Variants in CAMSAP1 observed in about 807,000 individuals in gnomAD.
CAMSAP1 encodes calmodulin regulated spectrin associated protein 1.
A neutral mutation model predicts 143.5 loss-of-function variants in CAMSAP1; 58 were observed. The ratio of observed to expected loss-of-function variants is 0.40; its 90% confidence interval spans 0.33 to 0.50. The LOEUF is 0.50. CAMSAP1 is among the 20% of genes least tolerant of loss of function. The probability of loss-of-function intolerance (pLI) is 0.45; values close to 1 mark genes in which losing one functional copy is unlikely to be tolerated. For missense variants in CAMSAP1, 1,969 were observed against 2,115.7 expected (o/e 0.93, Z 1.36); for synonymous variants, 945 against 859.3 (o/e 1.10, Z -1.74).
chr9:135,823,248 C>T lies in CAMSAP1; in HGVS notation c.1413G>A (p.Gln471=). Residue 471 remains glutamine (Q), a synonymous_variant, in exon 11 of 17, where the codon CAG becomes CAA. Coordinates refer to ENST00000389532, the MANE Select transcript of CAMSAP1 (RefSeq NM_015447.4). ...CGTGATGTAGAGCAAAAGGTGTTGGCTGGGACGCAGGCCTGAAACACAGGG... is the reference window on the plus strand; with the variant it reads ...CGTGATGTAGAGCAAAAGGTGTTGGTTGGGACGCAGGCCTGAAACACAGGG... ...WPEKKTRPAS[Q]PTPFALHHAA... is the part of the protein sequence containing the mutation. 6.5e-7 allele frequency: 1 copy of T among 1,550,076 alleles called. No homozygotes were observed. The highest frequency in any genetic ancestry group is 1.3e-5 in the South Asian group (1 of 79,510).
Position 135,819,012 on chromosome 9 carries a change from G to T in CAMSAP1, c.3957C>A (p.Ala1319=). ...EAEVELKRDE[A]RRKAEEDRVR... The stretch of plus-strand genomic sequence containing the variant: ...TTCCCCCCCGGCGGGACGCTTACCG[G>T]GCTTCGTCACGCTTGAGCTCCACCT... Residue 1319 remains alanine, a splice_region_variant and synonymous_variant, in exon 12 of 17, where the codon GCC becomes GCA. Transcript: ENST00000389532. 6.2e-7 allele frequency: 1 copy of T among 1,606,172 alleles called. No individual in the cohort carries two copies. The highest frequency in any genetic ancestry group is 8.5e-7 in the Non-Finnish European group (1 of 1,179,008).
chr9:135,906,859 G>C, intron 1 of CAMSAP1, 141 bp downstream of exon 1: 1 of 405,178 alleles, frequency 2.5e-6, no homozygotes, highest in South Asian at 9.7e-5. Context: ...GGACCTCGGA[G>C]GCGGCCGGCC....
At chr9:135,816,118 G>T in intron 14 of CAMSAP1, 113 bp from the exon 15 acceptor site, 1 of 898,180 alleles carries the variant, frequency 1.1e-6, no homozygotes, top group Non-Finnish European at 1.7e-6. Context: ...CAGGGGAGGA[G>T]GCTTTCGGTG....
chr9:135,837,804 C>T (rs554369697), intron 7 of CAMSAP1, among the ~76,000 whole-genome samples: 111 of 150,404 alleles, frequency 7.4e-4, no homozygotes, highest in African/African-American at 2.4e-3. Context: ...CACGTCATCA[C>T]GCACTTTCTG....
In CAMSAP1 at chr9:135,818,478, C is replaced by T. The variant is rs748038339; in HGVS notation, c.4098G>A (p.Lys1366=). Residue 1366 remains lysine (K), a synonymous_variant, in exon 13 of 17, where the codon AAG becomes AAA. Coordinates refer to ENST00000389532, the MANE Select transcript of CAMSAP1 (RefSeq NM_015447.4). This position sits in a 1 kb window ranked among gnomAD's most constrained non-coding sequence, Gnocchi z 7.7. ...QGLGKPKSKP[K]KPRPKSVHRE... is the part of the protein sequence containing the mutation. ...GGTGCACCGACTTCGGCCGCGGCTT[C>T]TTCGGCTTTGACTTGGGCTTGCCGA... The T allele has an allele frequency of 1.2e-6, 2 of 1,608,640 alleles. No individual in the cohort carries two copies. The highest frequency in any genetic ancestry group is 1.7e-6 in the Non-Finnish European group (2 of 1,179,392).
intron 1 of CAMSAP1, among the ~76,000 whole-genome samples, chr9:135,885,812 C>T (rs1270368001): frequency 6.6e-6 from 1 of 152,178 alleles, no homozygotes; most frequent in African/African-American, 2.4e-5. Context: ...ACTAAAGATA[C>T]AAGCTTCAGA....
intron 7 of CAMSAP1, among the ~76,000 whole-genome samples, chr9:135,846,015 T>C (rs1182700208): frequency 8.5e-6 from 1 of 118,052 alleles, no homozygotes; most frequent in Non-Finnish European, 1.7e-5. Context: ...TTAAAAAAAC[T>C]ACTTTAAATT....
chr9:135,828,719 G>C (rs1240146052), intron 7 of CAMSAP1, among the ~76,000 whole-genome samples: 1 of 152,206 alleles, frequency 6.6e-6, no homozygotes, highest in African/African-American at 2.4e-5. Flanking sequence ...AGATGATACA[G>C]ATCTCTCTCT....
intron 3 of CAMSAP1, among the ~76,000 whole-genome samples, chr9:135,867,811 T>C (rs1375947578): frequency 6.6e-6 from 1 of 152,250 alleles, no homozygotes; most frequent in Non-Finnish European, 1.5e-5. Flanking sequence ...GGGAACCCTG[T>C]AAGCAAGGGA....
At position 135,827,744 on chromosome 9, in the gene CAMSAP1, C is replaced by T. The variant is rs28478165; in HGVS notation, c.1046-160G>A. ...GTTTAACAAATGTATTCTGTAATAA[C>T]AAGTACTACAAATATTATACCGAAG... On this transcript the variant is annotated intron_variant, in intron 7 of 16. Coordinates refer to ENST00000389532, the MANE Select transcript of CAMSAP1 (RefSeq NM_015447.4). Among the ~76,000 whole-genome samples the T allele has an allele frequency of 9.2e-3, 1,394 of 152,284 alleles. 23 individuals are homozygous for T. Among genetic ancestry groups the T allele is most frequent in the African/African-American group, 0.032 (1,337 of 41,542 alleles).
chr9:135,817,936 G>A (rs370642289), intron 14 of CAMSAP1, 41 bp downstream of exon 14: 113 of 1,563,190 alleles, frequency 7.2e-5, no homozygotes, highest in South Asian at 1.5e-4. Flanking sequence ...CCCTCCGAAC[G>A]TCCTCCAGCC....
At chr9:135,865,542 A>G (rs888568220) in intron 4 of CAMSAP1, among the ~76,000 whole-genome samples, 19 of 152,236 alleles carry the variant, frequency 1.2e-4, no homozygotes, top group Non-Finnish European at 1.8e-4. Context: ...GCAGATGATT[A>G]AAGTGGAAGA....
intron 1 of CAMSAP1, among the ~76,000 whole-genome samples, chr9:135,906,682 G>A (rs1304359723): frequency 2.6e-5 from 4 of 151,936 alleles, no homozygotes; most frequent in Non-Finnish European, 5.9e-5. Flanking sequence ...GTCCCTCCCT[G>A]CGCCCAGAAC....
rs1259996785 is a variant in CAMSAP1 at position 135,848,646 on chromosome 9, T to C, written c.1045+1491A>G. On this transcript the variant is annotated intron_variant, in intron 7 of 16. Transcript: ENST00000389532. ...CCTTCATTATCAGGAGAATCTTCCT[T>C]GTAGCTGCTCGTGGCTGTGGCTCAC... Among the ~76,000 whole-genome samples, 6 of 152,208 alleles carry C rather than the reference T, an allele frequency of 3.9e-5. No homozygotes were observed. In the East Asian group the frequency reaches 1.2e-3, roughly 29 times the overall value.
rs184137366 is a variant in CAMSAP1, at chr9:135,886,185, T to C, written c.161-3107A>G. 1.8e-4 allele frequency among the ~76,000 whole-genome samples: 28 copies of C among 152,298 alleles called. No homozygotes were observed. In the East Asian group the frequency reaches 4.8e-3, roughly 26 times the overall value. On this transcript the variant is annotated intron_variant, in intron 1 of 16. Coordinates refer to ENST00000389532, the MANE Select transcript of CAMSAP1 (RefSeq NM_015447.4). ...TCATTCGACAATTATTAAGTACCCA[T>C]GTGAGCCAGAAAATGTACAAAAATG... is the stretch of plus-strand genomic sequence containing the variant.
At chr9:135,876,534 C>A (rs1013247602) in intron 3 of CAMSAP1, among the ~76,000 whole-genome samples, 2 of 152,144 alleles carry the variant, frequency 1.3e-5, no homozygotes, top group African/African-American at 4.8e-5. Context: ...AGAGAAAAGA[C>A]GGACTGTAAC....
chr9:135,815,823 TGAAA>T, intron 15 of CAMSAP1, 63 bp downstream of exon 15: 1 of 1,277,762 alleles, frequency 7.8e-7, no homozygotes, highest in Non-Finnish European at 1.1e-6. Context: ...GAACAGATAT[TGAAA>T]GAGCCACGCA....
intron 5 of CAMSAP1, among the ~76,000 whole-genome samples, chr9:135,854,468 C>T (rs374410639): frequency 5.5e-4 from 82 of 149,570 alleles, no homozygotes; most frequent in Middle Eastern, 3.4e-3. Context: ...TTAAATTTGC[C>T]AAAACTTTTT....
At chr9:135,902,878 A>G (rs1220614083) in intron 1 of CAMSAP1, among the ~76,000 whole-genome samples, 1 of 152,192 alleles carries the variant, frequency 6.6e-6, no homozygotes, top group Non-Finnish European at 1.5e-5. Flanking sequence ...GAACTGGCGA[A>G]CCCTAAGCTC....
Sources: allele counts gnomAD v4.1 joint callset (sites outside exome capture counted in the v4.1 genomes callset), GRCh38; gene constraint gnomAD v4.1.1; non-coding constraint Gnocchi (gnomAD v3.1); transcripts MANE v1.5; gene names NCBI Gene and HGNC (gene_info 2026-07-23, HGNC 2026-07-21).